The following JAK2 variants were observed in gnomAD, a reference collection of about 807,000 sequenced individuals.
The protein encoded by JAK2 is Janus kinase 2.
JAK2 carries 86 observed loss-of-function variants against 139.3 expected under a neutral mutation model. That is an observed-to-expected ratio of 0.62 (90% CI 0.52 to 0.74). JAK2 has a LOEUF of 0.74. Ranked by LOEUF, JAK2 falls within the 30% of genes least tolerant of loss-of-function variation. JAK2 has a pLI of 0.00. For synonymous variants in JAK2, 490 were observed against 437.7 expected (o/e 1.12, Z -1.49); for missense variants, 1,421 against 1,360.3 (o/e 1.04, Z -0.70).
chr9:5,108,824 A>C (rs1230651893), intron 22 of JAK2: 4 of 152,070 alleles, frequency 2.6e-5, no homozygotes, highest in Non-Finnish European at 4.4e-5. Flanking sequence ...TAGCTCTCCT[A>C]ATCCAAACCC....
chr9:5,112,130 C>A, intron 22 of JAK2: 1 of 315,368 alleles, frequency 3.2e-6, no homozygotes, highest in Non-Finnish European at 6.4e-6. Flanking sequence ...TGCAGCCACG[C>A]CATGGGCACG....
chr9:5,054,694 A>C lies in JAK2; in HGVS notation c.746A>C (p.Asn249Thr). 2 of 1,613,442 alleles carry C rather than the reference A, an allele frequency of 1.2e-6. No individual in the cohort carries two copies. The highest frequency in any genetic ancestry group is 1.7e-6 in the Non-Finnish European group (2 of 1,179,484). The change falls in exon 7 of 25, where the codon AAC becomes ACC. Residue 249 changes from asparagine to threonine, a missense_variant. Asn to Thr is a moderately conservative substitution (Grantham distance 65). Coordinates refer to ENST00000381652, the MANE Select transcript of JAK2 (RefSeq NM_004972.4). The surrounding 1 kb of genome is among the most constrained non-coding windows in gnomAD (Gnocchi z 4.9). ...AGCCAATGCAAAGCCACTGCCAGAA[A>C]CTTGAAACTTAAGTATCTTATAAAT... ...QFSQCKATARNLKLKYLINLE... is the reference protein window; with the variant it reads ...QFSQCKATARTLKLKYLINLE...
chr9:5,114,527 G>T, intron 22 of JAK2: 1 of 466,436 alleles, frequency 2.1e-6, no homozygotes, highest in South Asian at 1.8e-5. Context: ...TAGAAGAGCC[G>T]AGGAACCAGG....
intron 22 of JAK2, chr9:5,114,011 G>T (rs913327331): frequency 1.0e-5 from 3 of 300,392 alleles, no homozygotes; most frequent in African/African-American, 4.4e-5. Flanking sequence ...TCGTGGATGT[G>T]AACTGGTCCA....
chr9:5,118,848 A>C (rs1369602647), intron 22 of JAK2, among the ~76,000 whole-genome samples: 1 of 152,194 alleles, frequency 6.6e-6, no homozygotes, highest in African/African-American at 2.4e-5. Flanking sequence ...CAATTTTATT[A>C]AAAGCAGAGA....
At chr9:5,091,612 A>C (rs1421409926) in intron 22 of JAK2, 2 of 152,164 alleles carry the variant, frequency 1.3e-5, no homozygotes. Context: ...TAGATTAGAT[A>C]ATTAATAGTA....
At chr9:5,063,605 T>A (rs1334451097) in intron 8 of JAK2, among the ~76,000 whole-genome samples, 1 of 152,164 alleles carries the variant, frequency 6.6e-6, no homozygotes, top group Non-Finnish European at 1.5e-5. Flanking sequence ...ATTAGAAAAT[T>A]AATTTAGAGA....
chr9:5,050,579 T>A, intron 5 of JAK2, 107 bp from the exon 6 acceptor site: 1 of 1,182,562 alleles, frequency 8.5e-7, no homozygotes, highest in Non-Finnish European at 1.2e-6. Flanking sequence ...CCAATTTGTA[T>A]CTTGTAAATG....
At chr9:5,122,289 T>G (rs766720281) in intron 22 of JAK2, among the ~76,000 whole-genome samples, 2 of 152,130 alleles carry the variant, frequency 1.3e-5, no homozygotes, top group African/African-American at 2.4e-5. Flanking sequence ...TTCCCTTGGA[T>G]AGTGTTAATG....
chr9:5,024,727 A>G (rs994935726), intron 3 of JAK2, among the ~76,000 whole-genome samples: 8 of 152,118 alleles, frequency 5.3e-5, no homozygotes, highest in African/African-American at 1.9e-4. Context: ...AATGTTTTCA[A>G]TGAATATCTT....
At chr9:5,003,864 T>A (rs1454283913) in intron 2 of JAK2, among the ~76,000 whole-genome samples, 7 of 152,058 alleles carry the variant, frequency 4.6e-5, no homozygotes, top group African/African-American at 1.7e-4. Context: ...GTGAGGAAGT[T>A]TGCTTTTATT....
At chr9:5,126,290 C>A in intron 23 of JAK2, 43 bp from the exon 24 acceptor site, 1 of 1,382,178 alleles carries the variant, frequency 7.2e-7, no homozygotes, top group Non-Finnish European at 1.0e-6. Flanking sequence ...AATTTTGCTA[C>A]AAATTAAATG....
chr9:5,118,228 T>C (rs974861364), intron 22 of JAK2, among the ~76,000 whole-genome samples: 3 of 152,194 alleles, frequency 2.0e-5, no homozygotes, highest in African/African-American at 7.2e-5. Context: ...ATTATATGAA[T>C]AGACTTTTAT....
chr9:5,065,785 T>A (rs1254292467), intron 9 of JAK2, among the ~76,000 whole-genome samples: 1 of 152,176 alleles, frequency 6.6e-6, no homozygotes, highest in Non-Finnish European at 1.5e-5. Context: ...TTTGAATAAC[T>A]CGAGCAAAGG....
intron 8 of JAK2, among the ~76,000 whole-genome samples, chr9:5,061,533 C>G (rs1818169836): frequency 6.6e-6 from 1 of 152,204 alleles, no homozygotes; most frequent in Non-Finnish European, 1.5e-5. Flanking sequence ...TCCAACTTTT[C>G]TTCTGCAGCT....
At chr9:5,074,802 C>T (rs1288950088) in intron 14 of JAK2, among the ~76,000 whole-genome samples, 1 of 152,056 alleles carries the variant, frequency 6.6e-6, no homozygotes, top group Non-Finnish European at 1.5e-5. Context: ...AGCAGTTATC[C>T]AGAAGATCTA....
intron 22 of JAK2, among the ~76,000 whole-genome samples, chr9:5,115,146 A>T (rs994854294): frequency 3.3e-5 from 5 of 152,118 alleles, no homozygotes; most frequent in Non-Finnish European, 4.4e-5. Context: ...AATGGGAAAA[A>T]TTTTTTGCAA....
intron 2 of JAK2, among the ~76,000 whole-genome samples, chr9:5,019,960 G>C (rs1225098896): frequency 1.3e-5 from 2 of 152,178 alleles, no homozygotes; most frequent in Non-Finnish European, 1.5e-5. Context: ...ATTAGCCCCA[G>C]GGTGGCTTAC....
intron 2 of JAK2, among the ~76,000 whole-genome samples, chr9:5,013,675 A>C (rs1821855488): frequency 6.6e-6 from 1 of 152,158 alleles, no homozygotes; most frequent in Non-Finnish European, 1.5e-5. Context: ...TTTCCTTTTA[A>C]GGTCCAGCCT....
Sources: gnomAD v4.1 joint callset for allele counts (sites outside exome capture counted in the v4.1 genomes callset) on GRCh38, gnomAD v4.1.1 for gene constraint, Gnocchi (gnomAD v3.1) non-coding constraint, MANE v1.5 for transcripts, NCBI Gene and HGNC (gene_info 2026-07-23, HGNC 2026-07-21) for gene names.